The following ACCSL variants were observed in gnomAD, a reference collection of about 807,000 sequenced individuals.
ACCSL encodes the protein 1-aminocyclopropane-1-carboxylate synthase homolog (inactive) like.
Under a neutral mutation model 61.7 loss-of-function variants are expected in ACCSL, and 55 were observed. The ratio of observed to expected loss-of-function variants is 0.89; its 90% CI spans 0.72 to 1.12. The LOEUF is 1.12. ACCSL is among the 50% of genes most tolerant of loss of function. The pLI, the probability that ACCSL is intolerant of heterozygous loss-of-function variation, is 0.00. For missense variants in ACCSL, 632 were observed against 698.0 expected (o/e 0.91, Z 1.07); for synonymous variants, 258 against 264.3 (o/e 0.98, Z 0.23).
chr11:44,029,663 G>T, the ACCSL span, among the ~76,000 whole-genome samples: 2 of 152,148 alleles, frequency 1.3e-5, no homozygotes, highest in East Asian at 3.9e-4. Context: ...CTAAACAAGG[G>T]AGTATGAATA....
intron 5 of ACCSL, 108 bp from the exon 6 acceptor site, chr11:44,052,554 G>A (rs909315212): frequency 4.4e-5 from 40 of 907,434 alleles, no homozygotes; most frequent in East Asian, 7.2e-5. Flanking sequence ...AGAAAGGATC[G>A]TGAAACTGAC....
chr11:43,932,666 G>T, the ACCSL span, among the ~76,000 whole-genome samples: 1 of 152,188 alleles, frequency 6.6e-6, no homozygotes, highest in Non-Finnish European at 1.5e-5. Flanking sequence ...CCTTACCAAG[G>T]CTTCGTGAAA....
Position 44,055,297 on chromosome 11 carries a change from C to CA in ACCSL, c.1139+6_1139+7insA. 6.2e-7 allele frequency: 1 copy of CA among 1,608,050 alleles called. No individual in the cohort carries two copies. The highest frequency in any genetic ancestry group is 8.5e-7 in the Non-Finnish European group (1 of 1,175,210). On this transcript the variant is annotated splice_region_variant and intron_variant, in intron 9 of 13. Transcript: ENST00000378832. ...AGCATTCTGAGCATGAAAAGGTGAG[C>CA]TGGTCTCAGCTGGAGTTGGGAACGA... is the stretch of plus-strand genomic sequence containing the variant.
chr11:43,971,724 G>A, the ACCSL span, among the ~76,000 whole-genome samples: 10 of 152,144 alleles, frequency 6.6e-5, no homozygotes, highest in East Asian at 1.9e-4. Context: ...CCTGTCCCCC[G>A]AATTGTCCTC....
chr11:44,052,859 G>A, intron 6 of ACCSL, 100 bp downstream of exon 6: 1 of 1,433,352 alleles, frequency 7.0e-7, no homozygotes, highest in Non-Finnish European at 9.8e-7. Context: ...CCATCTAAGT[G>A]GTTGGGTAGG....
At chr11:43,943,207 G>T in the ACCSL span, 1 of 1,526,288 alleles carries the variant, frequency 6.6e-7, no homozygotes, top group South Asian at 1.2e-5. This position sits in a 1 kb window ranked among gnomAD's most constrained non-coding sequence, Gnocchi z 4.8. Context: ...CGCTGCAGCG[G>T]GAGCAGCTCA....
At chr11:44,028,034 A>G in the ACCSL span, among the ~76,000 whole-genome samples, 2 of 152,100 alleles carry the variant, frequency 1.3e-5, no homozygotes, top group Non-Finnish European at 2.9e-5. Flanking sequence ...TGGGCATGGT[A>G]GCATGCACCT....
At chr11:43,943,235 A>T in the ACCSL span, 1 of 1,528,358 alleles carries the variant, frequency 6.5e-7, no homozygotes, top group African/African-American at 1.4e-5. The surrounding 1 kb of genome is among the most constrained non-coding windows in gnomAD (Gnocchi z 4.8). Context: ...CAAACTGAGG[A>T]ACAGCCTGGA....
At chr11:44,003,281 T>C in the ACCSL span, among the ~76,000 whole-genome samples, 118 of 152,288 alleles carry the variant, frequency 7.7e-4, no homozygotes, top group African/African-American at 2.5e-3. Flanking sequence ...CTCTGAATTG[T>C]TTTTTATTGT....
At chr11:43,929,917 T>G in the ACCSL span, among the ~76,000 whole-genome samples, 30 of 151,956 alleles carry the variant, frequency 2.0e-4, no homozygotes, top group Middle Eastern at 3.4e-3. Context: ...GAGCAAGGAC[T>G]TGGGGAAAGG....
the ACCSL span, among the ~76,000 whole-genome samples, chr11:43,978,814 T>TTTTTA: frequency 1.1e-5 from 1 of 88,874 alleles, no homozygotes; most frequent in Admixed American, 1.1e-4. Context: ...TTTTTTTTTT[T>TTTTTA]ACCAATAAAA....
At chr11:44,037,015 G>A in the ACCSL span, among the ~76,000 whole-genome samples, 1 of 152,154 alleles carries the variant, frequency 6.6e-6, no homozygotes, top group Non-Finnish European at 1.5e-5. Flanking sequence ...AGGGAGAAAA[G>A]GTTATGCAAT....
chr11:43,924,648 A>G, the ACCSL span, among the ~76,000 whole-genome samples: 81 of 152,236 alleles, frequency 5.3e-4, no homozygotes, highest in Non-Finnish European at 8.8e-4. Flanking sequence ...GCCACCTCGC[A>G]GGAAGGCACC....
chr11:43,995,884 CT>C, the ACCSL span, among the ~76,000 whole-genome samples: 2 of 152,340 alleles, frequency 1.3e-5, no homozygotes, highest in East Asian at 1.9e-4. Flanking sequence ...AAGTCCTCCC[CT>C]AACCCCAGAA....
chr11:44,058,522 G>C, intron 12 of ACCSL, 24 bp from the exon 13 acceptor site: 1 of 1,613,958 alleles, frequency 6.2e-7, no homozygotes, highest in Non-Finnish European at 8.5e-7. Context: ...CTTGGGCTCA[G>C]TTCTGTTCCT....
At chr11:43,932,131 C>A in the ACCSL span, among the ~76,000 whole-genome samples, 2 of 152,230 alleles carry the variant, frequency 1.3e-5, no homozygotes, top group Non-Finnish European at 2.9e-5. Context: ...AAAAAATTCA[C>A]CCTCCTGTGT....
At chr11:44,012,906 T>C in the ACCSL span, among the ~76,000 whole-genome samples, 1 of 152,322 alleles carries the variant, frequency 6.6e-6, no homozygotes, top group East Asian at 1.9e-4. Context: ...CGTTCCTTCT[T>C]GGTGTCCTTT....
chr11:43,943,880 T>C, the ACCSL span: 1 of 1,231,474 alleles, frequency 8.1e-7, no homozygotes, highest in South Asian at 1.5e-5. This position sits in a 1 kb window ranked among gnomAD's most constrained non-coding sequence, Gnocchi z 4.8. Flanking sequence ...ATTTGCACAG[T>C]GCAGTTTTCC....
chr11:44,013,476 G>A, the ACCSL span, among the ~76,000 whole-genome samples: 1 of 152,034 alleles, frequency 6.6e-6, no homozygotes. Context: ...GATGGGGGGT[G>A]GAGGGGGGCG....
Sources: allele counts gnomAD v4.1 joint callset (sites outside exome capture counted in the v4.1 genomes callset), GRCh38; gene constraint gnomAD v4.1.1; non-coding constraint Gnocchi (gnomAD v3.1); transcripts MANE v1.5; gene names NCBI Gene and HGNC (gene_info 2026-07-23, HGNC 2026-07-21).